The following FAM135B variants were observed in gnomAD, a reference collection of about 807,000 sequenced individuals.
The protein encoded by FAM135B is family with sequence similarity 135 member B.
FAM135B carries 43 observed loss-of-function variants against 127.7 expected under a neutral mutation model. The ratio of observed to expected loss-of-function variants is 0.34; its 90% CI spans 0.26 to 0.43. The LOEUF is 0.43. Ranked by LOEUF, FAM135B falls within the 20% of genes least tolerant of loss-of-function variation. The pLI is 1.00. For synonymous variants in FAM135B, 670 were observed against 665.1 expected (o/e 1.01, Z -0.11); for missense variants, 1,558 against 1,725.6 (o/e 0.90, Z 1.72).
intron 1 of FAM135B, among the ~76,000 whole-genome samples, chr8:138,375,096 AGCCTGCTGCTGCATCT>A (rs1831379580): frequency 6.6e-6 from 1 of 152,164 alleles, no homozygotes; most frequent in South Asian, 2.1e-4. Context: ...CTAAAGTCTG[AGCCTGCTGCTGCATCT>A]GCCTGTAATG....
intron 9 of FAM135B, among the ~76,000 whole-genome samples, chr8:138,193,696 C>A (rs1181138214): frequency 6.6e-6 from 1 of 152,184 alleles, no homozygotes; most frequent in Non-Finnish European, 1.5e-5. Context: ...CGAGCCAGCC[C>A]TGGAAGGAGA....
At chr8:138,167,779 C>T (rs923981684) in intron 12 of FAM135B, 116 bp downstream of exon 12, 9 of 1,222,172 alleles carry the variant, frequency 7.4e-6, no homozygotes, top group Non-Finnish European at 9.1e-6. Flanking sequence ...TATGAACTGA[C>T]ATAATCCTTC....
At chr8:138,349,212 C>T (rs1485530124) in intron 2 of FAM135B, among the ~76,000 whole-genome samples, 2 of 152,246 alleles carry the variant, frequency 1.3e-5, no homozygotes, top group Non-Finnish European at 2.9e-5. Flanking sequence ...TGCCTCCTCA[C>T]TTCTTCACTG....
intron 4 of FAM135B, among the ~76,000 whole-genome samples, chr8:138,263,917 G>A (rs1822724039): frequency 6.6e-6 from 1 of 152,180 alleles, no homozygotes; most frequent in East Asian, 1.9e-4. Context: ...CTGGGAGAGG[G>A]ACGACAAAAT....
At chr8:138,453,178 T>G (rs149984358) in intron 1 of FAM135B, among the ~76,000 whole-genome samples, 77 of 152,208 alleles carry the variant, frequency 5.1e-4, no homozygotes, top group African/African-American at 1.8e-3. Flanking sequence ...GCTAAGACAC[T>G]CTAAGGCCTG....
chr8:138,383,581 C>T lies in FAM135B; in HGVS notation c.-19-15579G>A, dbSNP rs1311318139. 2.6e-5 allele frequency among the ~76,000 whole-genome samples: 4 copies of T among 152,120 alleles called. No homozygotes were observed. In the East Asian group the frequency reaches 7.7e-4, roughly 29 times the overall value. Reference sequence around the variant, plus strand: ...ACCACAGAGGCAAAACCTTAAACACCATGATACTGGATACTTCAATGCTTC... The same window carrying T: ...ACCACAGAGGCAAAACCTTAAACACTATGATACTGGATACTTCAATGCTTC... On this transcript the variant is annotated intron_variant, in intron 1 of 19. Coordinates refer to ENST00000395297, the MANE Select transcript of FAM135B (RefSeq NM_015912.4).
At chr8:138,319,279 G>A (rs1012126627) in intron 2 of FAM135B, among the ~76,000 whole-genome samples, 1 of 152,190 alleles carries the variant, frequency 6.6e-6, no homozygotes, top group African/African-American at 2.4e-5. Flanking sequence ...GCTAATTTTT[G>A]TATTTTTAGT....
At chr8:138,373,807 G>A (rs756422091) in intron 1 of FAM135B, among the ~76,000 whole-genome samples, 5 of 152,064 alleles carry the variant, frequency 3.3e-5, no homozygotes, top group African/African-American at 7.2e-5. Context: ...CCAGTCTCCC[G>A]TAGCGCTCCC....
intron 3 of FAM135B, chr8:138,309,035 G>A (rs1563882606): frequency 2.2e-6 from 1 of 450,422 alleles, no homozygotes; most frequent in Non-Finnish European, 4.4e-6. Flanking sequence ...TAGAACCTCT[G>A]TGAAATAGAA....
rs187688608 is a variant in FAM135B, at chr8:138,353,128, T to A, written c.77+14779A>T. ...ACACTCACACCTTCTGTACCATTCC[T>A]AGGAGAGAAAGTCCAAACTCCTATG... is the stretch of plus-strand genomic sequence containing the variant. On this transcript the variant is annotated intron_variant, in intron 2 of 19. Transcript: ENST00000395297. Among the ~76,000 whole-genome samples the A allele has an allele frequency of 2.0e-5, 3 of 152,290 alleles. No individual in the cohort carries two copies. The East Asian group carries it at 5.8e-4, about 29-fold the overall frequency.
At position 138,415,572 on chromosome 8, in the gene FAM135B, G is replaced by C. The variant is rs76883125; in HGVS notation, c.-19-47570C>G. Among the ~76,000 whole-genome samples the C allele has an allele frequency of 1.2e-3, 184 of 152,308 alleles. 3 individuals carry two copies. The East Asian group carries it at 0.029, about 24-fold the overall frequency. On this transcript the variant is annotated intron_variant, in intron 1 of 19. Transcript: ENST00000395297. ...GCGAAGTAGCATCAGAGATAGGAGG[G>C]AAGCTCAGGTCTCCTGAATTTATGT...
chr8:138,282,082 C>T (rs1236528175), intron 3 of FAM135B, among the ~76,000 whole-genome samples: 1 of 152,144 alleles, frequency 6.6e-6, no homozygotes, highest in African/African-American at 2.4e-5. Flanking sequence ...AGGACATAGC[C>T]GCTTAATGAA....
chr8:138,262,529 A>AGAGGATACACTCAACATGAG (rs1444784495), intron 4 of FAM135B, among the ~76,000 whole-genome samples: 4 of 152,194 alleles, frequency 2.6e-5, no homozygotes, highest in Admixed American at 6.5e-5. Context: ...GGAAGGAATT[A>AGAGGATACACTCAACATGAG]GAGGATACAC....
Position 138,203,267 on chromosome 8 carries a change from G to A in FAM135B, c.670-5598C>T, listed in dbSNP as rs193128886. 2.0e-5 allele frequency among the ~76,000 whole-genome samples: 3 copies of A among 152,144 alleles called. No individual in the cohort carries two copies. In the East Asian group the frequency reaches 5.8e-4, roughly 30 times the overall value. On this transcript the variant is annotated intron_variant, in intron 7 of 19. Transcript: ENST00000395297. Reference sequence around the variant, plus strand: ...AACTTCTGATTGGATGGCTTCCCAAGCTGTCACAAAACCATCTTACATGGA... The same window carrying A: ...AACTTCTGATTGGATGGCTTCCCAAACTGTCACAAAACCATCTTACATGGA...
chr8:138,141,280 G>A lies in FAM135B; in HGVS notation c.3708C>T (p.Tyr1236=), dbSNP rs757966242. The A allele has an allele frequency of 6.2e-6, 10 of 1,614,162 alleles. No individual in the cohort carries two copies. Among genetic ancestry groups the A allele is most frequent in the East Asian group, 2.2e-5 (1 of 44,870 alleles). ...SVLTRPRFRY[Y]LNKLHTFLSL... is the part of the protein sequence containing the mutation. ...ACAGGAACGTGTGGAGTTTGTTGAG[G>A]TAATACCGGAACCGGGGCCGTGTGA... Residue 1236 remains tyrosine, a synonymous_variant, in exon 17 of 20, where the codon TAC becomes TAT. Transcript: ENST00000395297. The surrounding 1 kb of genome is among the most constrained non-coding windows in gnomAD (Gnocchi z 4.7).
At chr8:138,225,687 C>T (rs186459029) in intron 7 of FAM135B, among the ~76,000 whole-genome samples, 1 of 152,106 alleles carries the variant, frequency 6.6e-6, no homozygotes, top group East Asian at 1.9e-4. Context: ...ATTGAGGGAC[C>T]AAGTTAGGTC....
rs115247358 is a variant in FAM135B, at chr8:138,228,402, G to C, written c.669+14540C>G. Among the ~76,000 whole-genome samples the C allele has an allele frequency of 9.2e-3, 1,402 of 152,228 alleles. 19 individuals carry two copies. The highest frequency in any genetic ancestry group is 0.033 in the African/African-American group (1,354 of 41,520). On this transcript the variant is annotated intron_variant, in intron 7 of 19. Transcript: ENST00000395297. ...ACTATTGCATCACCCCCAGCTGCAG[G>C]AGCGGGTGTTTTCTGCCTATTCCCT...
At chr8:138,373,760 T>A (rs1238988449) in intron 1 of FAM135B, among the ~76,000 whole-genome samples, 1 of 152,026 alleles carries the variant, frequency 6.6e-6, no homozygotes, top group African/African-American at 2.4e-5. Context: ...GTGGCCGTCT[T>A]CTATGGTCGA....
chr8:138,405,314 C>T (rs981136395), intron 1 of FAM135B, among the ~76,000 whole-genome samples: 30 of 150,472 alleles, frequency 2.0e-4, no homozygotes, highest in Non-Finnish European at 3.7e-4. Flanking sequence ...TGGTGTGCTG[C>T]ACCCATTAAC....
Sources: allele counts gnomAD v4.1 joint callset (sites outside exome capture counted in the v4.1 genomes callset), GRCh38; gene constraint gnomAD v4.1.1; non-coding constraint Gnocchi (gnomAD v3.1); transcripts MANE v1.5; gene names NCBI Gene and HGNC (gene_info 2026-07-23, HGNC 2026-07-21).